LGALS3: variants seen among roughly 807,000 people sequenced by gnomAD.
LGALS3 encodes the protein galectin 3.
Under a neutral mutation model 20.7 loss-of-function variants are expected in LGALS3, and 18 were observed. The observed-to-expected ratio is 0.87, with a 90% CI of 0.60 to 1.29. The LOEUF is 1.29. LGALS3 is among the 50% of genes most tolerant of loss of function. The pLI is 0.00. For missense variants in LGALS3, 315 were observed against 314.7 expected, an observed-to-expected ratio of 1.00 and a Z score of -0.01; for synonymous variants, 112 against 119.6, an observed-to-expected ratio of 0.94 and a Z score of 0.42.
At position 55,145,103 on chromosome 14, in the gene LGALS3, T is replaced by C; in HGVS notation, c.598-13T>C. ...ATTACCTCATGTAACAGTTTATGTA[T>C]ATGCCATTTCAGATACAAGTACTGG... On this transcript the variant is annotated splice_polypyrimidine_tract_variant and intron_variant, in intron 5 of 5. Coordinates refer to ENST00000254301, the MANE Select transcript of LGALS3 (RefSeq NM_002306.4). 6.2e-7 allele frequency: 1 copy of C among 1,610,222 alleles called. No individual in the cohort carries two copies.
intron 1 of LGALS3, among the ~76,000 whole-genome samples, chr14:55,136,503 C>T (rs1881398767): frequency 6.6e-6 from 1 of 151,986 alleles, no homozygotes; most frequent in Non-Finnish European, 1.5e-5. Context: ...CACTGTAGGC[C>T]CTTCGGCTTT....
chr14:55,134,889 T>G (rs1484946179), intron 1 of LGALS3, among the ~76,000 whole-genome samples: 2 of 152,140 alleles, frequency 1.3e-5, no homozygotes, highest in African/African-American at 4.8e-5. Flanking sequence ...ATGCGGTGGC[T>G]CATGCCTGTA....
intron 2 of LGALS3, 109 bp downstream of exon 2, chr14:55,137,500 T>C (rs1274316452): frequency 2.5e-6 from 4 of 1,607,912 alleles, no homozygotes; most frequent in African/African-American, 2.7e-5. Context: ...CTGCGTGGCT[T>C]CCCCTGGACT....
At chr14:55,143,059 C>T (rs1881683673) in intron 5 of LGALS3, among the ~76,000 whole-genome samples, 1 of 152,192 alleles carries the variant, frequency 6.6e-6, no homozygotes, top group Non-Finnish European at 1.5e-5. Context: ...TACAGTTATA[C>T]TGCGACTTTG....
intron 5 of LGALS3, 24 bp from the exon 6 acceptor site, chr14:55,145,092 C>T (rs763228884): frequency 1.9e-6 from 3 of 1,597,334 alleles, no homozygotes. Flanking sequence ...CCTCATGTAA[C>T]AGTTTATGTA....
At chr14:55,130,311 C>T (rs968505143) in intron 1 of LGALS3, among the ~76,000 whole-genome samples, 3 of 152,150 alleles carry the variant, frequency 2.0e-5, no homozygotes, top group African/African-American at 7.2e-5. Flanking sequence ...TCAGCCTTAC[C>T]CTTCAAGTTC....
intron 1 of LGALS3, among the ~76,000 whole-genome samples, chr14:55,133,195 T>TA (rs146503467): frequency 0.14 from 21,360 of 152,080 alleles, 1,732 homozygotes; most frequent in Non-Finnish European, 0.17. Context: ...AAGTGTGATG[T>TA]TTTCTATTGG....
At chr14:55,139,657 T>C (rs1349960488) in intron 3 of LGALS3, among the ~76,000 whole-genome samples, 1 of 151,606 alleles carries the variant, frequency 6.6e-6, no homozygotes, top group Non-Finnish European at 1.5e-5. Context: ...AAGGTTTGGG[T>C]GATAGTTAAA....
chr14:55,144,991 C>T, intron 5 of LGALS3, 125 bp from the exon 6 acceptor site: 5 of 753,728 alleles, frequency 6.6e-6, no homozygotes, highest in Admixed American at 2.5e-5. Flanking sequence ...CATTTTTTCC[C>T]TTTATTTCAG....
At chr14:55,130,749 GTGGT>G (rs1566779505) in intron 1 of LGALS3, among the ~76,000 whole-genome samples, 3 of 131,938 alleles carry the variant, frequency 2.3e-5, no homozygotes, top group African/African-American at 6.0e-5. Flanking sequence ...CGTGGTGGTG[GTGGT>G]GGGGGGGGGG....
chr14:55,142,687 A>G lies in LGALS3; in HGVS notation c.535A>G (p.Asn179Asp). 2.5e-6 allele frequency: 4 copies of G among 1,614,014 alleles called. No individual in the cohort carries two copies. Among genetic ancestry groups the G allele is most frequent in the Non-Finnish European group, 3.4e-6 (4 of 1,179,862 alleles). ...CATTGTTTGCAATACAAAGCTGGAT[A>G]ATAACTGGGGAAGGGAAGAAAGACA... The part of the protein sequence containing the change: ...RVIVCNTKLD[N>D]NWGREERQSV... The change falls in exon 5 of 6, where the codon AAT (asparagine) becomes GAT (aspartate). Residue 179 changes from asparagine to aspartate, a missense_variant. Transcript: ENST00000254301.
At position 55,138,137 on chromosome 14, in the gene LGALS3, AGGGGCTTCCTATCCT is replaced by A; in HGVS notation, c.117_131del (p.Ser40_Ala44del). The A allele has an allele frequency of 1.3e-6, 2 of 1,581,270 alleles. No homozygotes were observed. Among genetic ancestry groups the A allele is most frequent in the Non-Finnish European group, 1.7e-6 (2 of 1,167,108 alleles). ...AGCCTGCTGGGGCAGGGGGCTACCC[AGGGGCTTCCTATCCT>A]GGGGCCTACCCCGGGCAGGCACCCC... On this transcript the variant is annotated inframe_deletion, in exon 3 of 6. Transcript: ENST00000254301.
chr14:55,132,489 ATC>A (rs1881260888), intron 1 of LGALS3, among the ~76,000 whole-genome samples: 1 of 152,252 alleles, frequency 6.6e-6, no homozygotes, highest in Non-Finnish European at 1.5e-5. Flanking sequence ...GATGATACTT[ATC>A]TGAATAGATG....
chr14:55,138,596 A>T (rs947570885), intron 3 of LGALS3: 3 of 641,660 alleles, frequency 4.7e-6, no homozygotes, highest in Non-Finnish European at 2.8e-6. Context: ...AATATAAATC[A>T]AGATTGTAGT....
Position 55,145,046 on chromosome 14 carries a change from T to C in LGALS3, c.598-70T>C, listed in dbSNP as rs1261842384. The C allele has an allele frequency of 5.7e-6, 7 of 1,234,498 alleles. No homozygotes were observed. In the East Asian group the frequency reaches 1.4e-4, roughly 25 times the overall value. 76.5% of individuals were successfully genotyped at this position (1,234,498 alleles called of 1,614,324 possible). ...ATAGTGCAGATGAAATATGTATATA[T>C]TGTGGAATGCCTAAATCCAGCTGAC... is the stretch of plus-strand genomic sequence containing the variant. On this transcript the variant is annotated intron_variant, in intron 5 of 5. Coordinates refer to ENST00000254301, the MANE Select transcript of LGALS3 (RefSeq NM_002306.4).
rs1226019671 is a variant in LGALS3 at position 55,140,330 on chromosome 14, C to T, written c.398C>T (p.Thr133Ile). ...PGGVVPRMLI[T>I]ILGTVKPNAN... is the part of the protein sequence containing the mutation. ...GGAGTGGTGCCTCGCATGCTGATAACAATTCTGGGCACGGTGAAGCCCAAT... is the reference window on the plus strand; with the variant it reads ...GGAGTGGTGCCTCGCATGCTGATAATAATTCTGGGCACGGTGAAGCCCAAT... The change falls in exon 4 of 6, where the codon ACA (threonine) becomes ATA (isoleucine). Residue 133 changes from threonine (T) to isoleucine (I), a missense_variant. Coordinates refer to ENST00000254301, the MANE Select transcript of LGALS3 (RefSeq NM_002306.4). 1 of 1,613,504 alleles carries T rather than the reference C, an allele frequency of 6.2e-7. No homozygotes were observed. The highest frequency in any genetic ancestry group is 8.5e-7 in the Non-Finnish European group (1 of 1,179,692).
Position 55,130,630 on chromosome 14 carries a change from G to A in LGALS3, c.-5+1330G>A, listed in dbSNP as rs187283380. 1.3e-3 allele frequency among the ~76,000 whole-genome samples: 189 copies of A among 151,052 alleles called. 3 individuals are homozygous for A. The East Asian group carries it at 0.035, about 28-fold the overall frequency. On this transcript the variant is annotated intron_variant, in intron 1 of 5. Coordinates refer to ENST00000254301, the MANE Select transcript of LGALS3 (RefSeq NM_002306.4). ...GCTGGAGTGCAACGGCACTATCTCGGCTCACCGCAACCTCTGCCTACCGGG... is the reference window on the plus strand; with the variant it reads ...GCTGGAGTGCAACGGCACTATCTCGACTCACCGCAACCTCTGCCTACCGGG...
At chr14:55,136,609 T>TA (rs1881402546) in intron 1 of LGALS3, among the ~76,000 whole-genome samples, 1 of 152,326 alleles carries the variant, frequency 6.6e-6, no homozygotes, top group South Asian at 2.1e-4. Flanking sequence ...CAATGCCTAA[T>TA]AATCACATCA....
At chr14:55,130,693 G>A (rs902155157) in intron 1 of LGALS3, among the ~76,000 whole-genome samples, 1 of 149,738 alleles carries the variant, frequency 6.7e-6, no homozygotes, top group Admixed American at 6.6e-5. Context: ...CCGAGTAGCT[G>A]GGATTACAGG....
Sources: allele counts gnomAD v4.1 joint callset (sites outside exome capture counted in the v4.1 genomes callset), GRCh38; gene constraint gnomAD v4.1.1; transcripts MANE v1.5; gene names NCBI Gene and HGNC (gene_info 2026-07-23, HGNC 2026-07-21).